Variants in FAM227B observed in about 807,000 individuals in gnomAD.
FAM227B encodes family with sequence similarity 227 member B.
In FAM227B, 88 loss-of-function variants were observed where a neutral mutation model predicts 73.8. The observed-to-expected ratio is 1.19, with a 90% CI of 1.00 to 1.42. FAM227B has a LOEUF of 1.42. Ranked by LOEUF, FAM227B falls within the 40% of genes most tolerant of loss-of-function variation. The pLI is 0.00. For synonymous variants in FAM227B, 210 were observed against 190.5 expected (o/e 1.10, Z -0.84); for missense variants, 632 against 590.9 (o/e 1.07, Z -0.72).
At chr15:49,510,417 G>A (rs1339103141) in intron 10 of FAM227B, among the ~76,000 whole-genome samples, 17 of 151,978 alleles carry the variant, frequency 1.1e-4, no homozygotes, top group Non-Finnish European at 2.4e-4. Flanking sequence ...ATTGTTGGAT[G>A]TTTTTGTTTT....
Position 49,327,853 on chromosome 15 carries a change from C to T in FAM227B, c.*715G>A. 1 of 1,150,640 alleles carries T rather than the reference C, an allele frequency of 8.7e-7. No individual in the cohort carries two copies. The highest frequency in any genetic ancestry group is 1.2e-6 in the Non-Finnish European group (1 of 819,988). 71.3% of individuals were successfully genotyped at this position (1,150,640 alleles called of 1,614,324 possible). On this transcript the variant is annotated 3_prime_UTR_variant, in exon 16 of 16. Transcript: ENST00000299338. ...CACCTAAAAACCCCGCATGTATTTTCTTCTTAGAACTTAGATAGGCTATGT... is the reference window on the plus strand; with the variant it reads ...CACCTAAAAACCCCGCATGTATTTTTTTCTTAGAACTTAGATAGGCTATGT...
In FAM227B at chr15:49,328,441, G is replaced by T; in HGVS notation, c.*127C>A. 1 of 1,455,518 alleles carries T rather than the reference G, an allele frequency of 6.9e-7. No homozygotes were observed. Among genetic ancestry groups the T allele is most frequent in the Non-Finnish European group, 9.1e-7 (1 of 1,104,768 alleles). The allele number at this position is 1,455,518 out of a possible 1,614,324, so 90.2% of individuals were successfully genotyped here. A position where few individuals can be genotyped will look rare whatever the true frequency, so the allele number is the denominator to read the frequency against. On this transcript the variant is annotated 3_prime_UTR_variant, in exon 16 of 16. Coordinates refer to ENST00000299338, the MANE Select transcript of FAM227B (RefSeq NM_152647.3). ...TTATTGATTTGAAGATTTTAAAGATGAATGGTAAAACACACTCTTAATACT... is the reference window on the plus strand; with the variant it reads ...TTATTGATTTGAAGATTTTAAAGATTAATGGTAAAACACACTCTTAATACT...
intron 8 of FAM227B, among the ~76,000 whole-genome samples, chr15:49,570,834 A>T (rs887320912): frequency 1.4e-5 from 2 of 147,310 alleles, no homozygotes; most frequent in Non-Finnish European, 3.0e-5. Flanking sequence ...TATTATATAT[A>T]ATATATAAAT....
At chr15:49,447,129 G>GATTT (rs1441950486) in intron 11 of FAM227B, among the ~76,000 whole-genome samples, 2 of 151,596 alleles carry the variant, frequency 1.3e-5, no homozygotes, top group Non-Finnish European at 3.0e-5. Flanking sequence ...TTCCTACACT[G>GATTT]ATATAAGGCT....
chr15:49,602,851 T>C (rs1200313563), intron 3 of FAM227B, among the ~76,000 whole-genome samples: 1 of 152,230 alleles, frequency 6.6e-6, no homozygotes, highest in African/African-American at 2.4e-5. Flanking sequence ...TCTAGTTTCA[T>C]TCTTCTGCAT....
At chr15:49,579,837 T>TA (rs1460994261) in intron 5 of FAM227B, among the ~76,000 whole-genome samples, 1 of 152,092 alleles carries the variant, frequency 6.6e-6, no homozygotes, top group African/African-American at 2.4e-5. Flanking sequence ...CTATTCTAAA[T>TA]AACCTGATTT....
At chr15:49,385,494 A>G (rs929009379) in intron 11 of FAM227B, among the ~76,000 whole-genome samples, 1 of 151,746 alleles carries the variant, frequency 6.6e-6, no homozygotes, top group East Asian at 1.9e-4. Context: ...CAATATTGTT[A>G]TTAATAAAAG....
At chr15:49,367,332 C>A in intron 13 of FAM227B, 116 bp downstream of exon 13, 2 of 949,492 alleles carry the variant, frequency 2.1e-6, no homozygotes, top group South Asian at 2.2e-5. Flanking sequence ...TAATACTAAA[C>A]AGAAGCATTG....
chr15:49,424,830 C>A, intron 11 of FAM227B: 1 of 288,318 alleles, frequency 3.5e-6, no homozygotes, highest in Admixed American at 4.7e-5. Context: ...ACTCCTTGTC[C>A]TGAAAATGCT....
chr15:49,414,941 C>T (rs976849329), intron 11 of FAM227B, among the ~76,000 whole-genome samples: 48 of 152,060 alleles, frequency 3.2e-4, no homozygotes, highest in African/African-American at 1.1e-3. Flanking sequence ...TAAGTTATTG[C>T]GATAGCCACC....
At chr15:49,453,332 G>A (rs2052953003) in intron 11 of FAM227B, among the ~76,000 whole-genome samples, 1 of 152,046 alleles carries the variant, frequency 6.6e-6, no homozygotes, top group South Asian at 2.1e-4. Context: ...TCAAATGCCT[G>A]AGCTCAAGCC....
At chr15:49,403,282 GA>G (rs1567218962) in intron 11 of FAM227B, among the ~76,000 whole-genome samples, 1 of 152,156 alleles carries the variant, frequency 6.6e-6, no homozygotes, top group Admixed American at 6.6e-5. Context: ...TGGCCTCACA[GA>G]ATGAGCTAGG....
At chr15:49,590,389 T>C (rs1229413986) in intron 3 of FAM227B, among the ~76,000 whole-genome samples, 1 of 152,196 alleles carries the variant, frequency 6.6e-6, no homozygotes, top group Admixed American at 6.5e-5. Context: ...ATGCCCTTTA[T>C]AGCAAAAGAA....
intron 11 of FAM227B, among the ~76,000 whole-genome samples, chr15:49,452,643 T>C (rs932624804): frequency 5.3e-5 from 8 of 152,152 alleles, no homozygotes; most frequent in Non-Finnish European, 1.0e-4. Flanking sequence ...ATACCTTAGT[T>C]TGGGTTCAAA....
chr15:49,460,650 T>C (rs1355645099), intron 11 of FAM227B, among the ~76,000 whole-genome samples: 5 of 152,168 alleles, frequency 3.3e-5, no homozygotes, highest in Admixed American at 1.3e-4. Context: ...CCCACACACA[T>C]TGTATTCATT....
At chr15:49,378,403 T>A (rs2046308318) in intron 11 of FAM227B, among the ~76,000 whole-genome samples, 1 of 152,128 alleles carries the variant, frequency 6.6e-6, no homozygotes, top group South Asian at 2.1e-4. Context: ...AGTATGAACA[T>A]GTTAACAATA....
chr15:49,594,832 T>A lies in FAM227B; in HGVS notation c.106-4825A>T, dbSNP rs144066837. Among the ~76,000 whole-genome samples the A allele has an allele frequency of 9.5e-4, 145 of 152,316 alleles. 1 individual carries two copies. In the East Asian group the frequency reaches 0.026, roughly 27 times the overall value. Reference sequence around the variant, plus strand: ...TGCTGTTTTGGTGACTACAGCCTTATAGTGTAGTTTGAAGTTGGGTATTAT... The same window carrying A: ...TGCTGTTTTGGTGACTACAGCCTTAAAGTGTAGTTTGAAGTTGGGTATTAT... On this transcript the variant is annotated intron_variant, in intron 3 of 15. Transcript: ENST00000299338.
chr15:49,393,241 A>G (rs2047338286), intron 11 of FAM227B, among the ~76,000 whole-genome samples: 1 of 152,198 alleles, frequency 6.6e-6, no homozygotes, highest in Non-Finnish European at 1.5e-5. Context: ...GAAAACTTTC[A>G]TGAGAGTTCA....
At chr15:49,348,340 C>T (rs544811164) in intron 13 of FAM227B, among the ~76,000 whole-genome samples, 1 of 152,238 alleles carries the variant, frequency 6.6e-6, no homozygotes, top group African/African-American at 2.4e-5. Flanking sequence ...AGTTCCCTAG[C>T]TCTCTGCTTG....
Sources: allele counts gnomAD v4.1 joint callset (sites outside exome capture counted in the v4.1 genomes callset), GRCh38; gene constraint gnomAD v4.1.1; transcripts MANE v1.5; gene names NCBI Gene and HGNC (gene_info 2026-07-23, HGNC 2026-07-21).